RBMS1: variants seen among roughly 807,000 people sequenced by gnomAD.
RBMS1 encodes RNA binding motif single stranded interacting protein 1, also known as RNA-binding motif, single-stranded-interacting protein 1.
RBMS1 carries 17 observed loss-of-function variants against 62.3 expected under a neutral mutation model. The ratio of observed to expected loss-of-function variants is 0.27; its 90% CI spans 0.19 to 0.41. The LOEUF is 0.41. Among genes scored for constraint, RBMS1 ranks in the 10% least tolerant of loss-of-function variants. The pLI is 1.00. For synonymous variants in RBMS1, 172 were observed against 170.0 expected (o/e 1.01, Z -0.09); for missense variants, 334 against 504.5 (o/e 0.66, Z 3.24).
chr2:160,391,220 T>G (rs577594092), intron 1 of RBMS1, among the ~76,000 whole-genome samples: 13 of 149,042 alleles, frequency 8.7e-5, no homozygotes, highest in Admixed American at 5.4e-4. Flanking sequence ...GTAGCCTTAT[T>G]AAAATGAGAA....
chr2:160,298,021 T>A (rs919095053), intron 6 of RBMS1, among the ~76,000 whole-genome samples: 6 of 152,312 alleles, frequency 3.9e-5, no homozygotes, highest in African/African-American at 1.4e-4. Context: ...TCAGGGAGAA[T>A]ACCTTAGAGA....
chr2:160,411,312 G>A (rs911770626), intron 1 of RBMS1, among the ~76,000 whole-genome samples: 9 of 152,146 alleles, frequency 5.9e-5, no homozygotes, highest in African/African-American at 1.2e-4. Context: ...GTAGAGTTGA[G>A]GCCACAACAA....
intron 1 of RBMS1, among the ~76,000 whole-genome samples, chr2:160,479,424 G>T (rs1308022449): frequency 1.3e-5 from 2 of 152,202 alleles, no homozygotes; most frequent in African/African-American, 2.4e-5. Context: ...CAAAAGTCTG[G>T]CCGGCCCTGA....
chr2:160,402,400 T>C (rs972392688), intron 1 of RBMS1, among the ~76,000 whole-genome samples: 1 of 152,230 alleles, frequency 6.6e-6, no homozygotes, highest in African/African-American at 2.4e-5. Flanking sequence ...TCATGATTTT[T>C]TTTATAATGA....
chr2:160,410,440 AT>A, intron 1 of RBMS1, among the ~76,000 whole-genome samples: 1 of 152,238 alleles, frequency 6.6e-6, no homozygotes, highest in Admixed American at 6.5e-5. Context: ...GATAAGATAG[AT>A]TGTCTACCCT....
At chr2:160,407,807 T>G in intron 1 of RBMS1, 7 of 980,658 alleles carry the variant, frequency 7.1e-6, no homozygotes, top group Non-Finnish European at 8.5e-6. Flanking sequence ...TGGACGGGAG[T>G]TCGCGCGCGG....
chr2:160,318,351 AG>A (rs1224571086), intron 2 of RBMS1, 124 bp from the exon 3 acceptor site: 1 of 1,347,210 alleles, frequency 7.4e-7, no homozygotes, highest in Non-Finnish European at 9.7e-7. Context: ...CAAACTTTAG[AG>A]TACAAAATTT....
At chr2:160,469,993 G>A (rs1684853428) in intron 1 of RBMS1, among the ~76,000 whole-genome samples, 1 of 152,174 alleles carries the variant, frequency 6.6e-6, no homozygotes, top group Admixed American at 6.5e-5. Context: ...ATTTCATTGA[G>A]TATGGTACTC....
chr2:160,405,051 T>C (rs1269092056), intron 1 of RBMS1, among the ~76,000 whole-genome samples: 4 of 152,196 alleles, frequency 2.6e-5, no homozygotes, highest in African/African-American at 9.6e-5. Context: ...AATTGTAAAA[T>C]GGATATACAA....
chr2:160,400,712 C>G (rs960836324), intron 1 of RBMS1, among the ~76,000 whole-genome samples: 6 of 151,926 alleles, frequency 3.9e-5, no homozygotes, highest in African/African-American at 1.5e-4. Context: ...TCAAAAAGTA[C>G]AGAAGGCATA....
chr2:160,288,094 T>C (rs1688499505), intron 6 of RBMS1, among the ~76,000 whole-genome samples: 1 of 151,846 alleles, frequency 6.6e-6, no homozygotes, highest in African/African-American at 2.4e-5. Context: ...CAGTAACTTT[T>C]CCTTTTCTTT....
At position 160,397,693 on chromosome 2, in the gene RBMS1, T is replaced by C. The variant is rs748405440; in HGVS notation, c.76-30302A>G. Among the ~76,000 whole-genome samples, 9 of 152,098 alleles carry C rather than the reference T, an allele frequency of 5.9e-5. No homozygotes were observed. In the East Asian group the frequency reaches 7.7e-4, roughly 13 times the overall value. On this transcript the variant is annotated intron_variant, in intron 1 of 13. Coordinates refer to ENST00000348849, the MANE Select transcript of RBMS1 (RefSeq NM_016836.4). ...CCTCCACCCTCCTTTCCCGCCCCAC[T>C]ACACACACAGGACTCCACTGAGACT...
At chr2:160,414,230 C>T (rs1337292996) in intron 1 of RBMS1, among the ~76,000 whole-genome samples, 1 of 152,192 alleles carries the variant, frequency 6.6e-6, no homozygotes, top group South Asian at 2.1e-4. Flanking sequence ...ATATTCAGCC[C>T]CAACCTAGCA....
intron 1 of RBMS1, among the ~76,000 whole-genome samples, chr2:160,390,921 T>C (rs1694835388): frequency 6.6e-6 from 1 of 151,830 alleles, no homozygotes; most frequent in East Asian, 1.9e-4. Flanking sequence ...TCCATATACA[T>C]TATGTACAAC....
chr2:160,365,385 C>T (rs1250592200), intron 2 of RBMS1, among the ~76,000 whole-genome samples: 2 of 152,104 alleles, frequency 1.3e-5, no homozygotes, highest in East Asian at 1.9e-4. Flanking sequence ...GTTATTGCTG[C>T]TATTGATAAT....
intron 1 of RBMS1, among the ~76,000 whole-genome samples, chr2:160,390,518 T>C (rs1271633226): frequency 6.6e-6 from 1 of 152,054 alleles, no homozygotes; most frequent in Admixed American, 6.5e-5. Context: ...TGGTAAGACC[T>C]TGTCACTATG....
intron 1 of RBMS1, among the ~76,000 whole-genome samples, chr2:160,477,782 T>C (rs1441688912): frequency 2.0e-5 from 3 of 152,228 alleles, no homozygotes; most frequent in Admixed American, 2.0e-4. Context: ...AGACTTTATA[T>C]CTTTCCGATT....
At position 160,286,970 on chromosome 2, in the gene RBMS1, A is replaced by G; in HGVS notation, c.755T>C (p.Leu252Pro). 1.2e-6 allele frequency: 2 copies of G among 1,611,290 alleles called. No individual in the cohort carries two copies. Among genetic ancestry groups the G allele is most frequent in the Non-Finnish European group, 1.7e-6 (2 of 1,179,342 alleles). Reference protein sequence around the residue: ...RPWHREGEVRLAGMTLTYDPT... With the variant: ...RPWHREGEVRPAGMTLTYDPT... Reference sequence around the variant, plus strand: ...GCAAAGTTTCAAGAAAGGACTTACAAGTCTCACCTCTCCTTCTCTATGCCA... The same window carrying G: ...GCAAAGTTTCAAGAAAGGACTTACAGGTCTCACCTCTCCTTCTCTATGCCA... Residue 252 changes from leucine (L) to proline (P), a missense_variant and splice_region_variant, in exon 7 of 14, where the codon CTT becomes CCT. By Grantham distance (98) the Leu-to-Pro change is moderately conservative (BLOSUM62 -3). Coordinates refer to ENST00000348849, the MANE Select transcript of RBMS1 (RefSeq NM_016836.4).
intron 1 of RBMS1, among the ~76,000 whole-genome samples, chr2:160,405,186 T>C (rs1003094149): frequency 6.6e-6 from 1 of 152,150 alleles, no homozygotes; most frequent in Non-Finnish European, 1.5e-5. Context: ...TATGTATGTA[T>C]AATGCAAGTG....
Sources: gnomAD v4.1 joint callset for allele counts (sites outside exome capture counted in the v4.1 genomes callset) on GRCh38, gnomAD v4.1.1 for gene constraint, MANE v1.5 for transcripts, NCBI Gene and HGNC (gene_info 2026-07-23, HGNC 2026-07-21) for gene names.